CPPED1: variants seen among roughly 807,000 people sequenced by gnomAD.
The protein encoded by CPPED1 is serine/threonine-protein phosphatase CPPED1.
A neutral mutation model predicts 28.0 loss-of-function variants in CPPED1; 28 were observed. That is an observed-to-expected ratio of 1.00 (90% CI 0.74 to 1.37). The LOEUF is 1.37. Among genes scored for constraint, CPPED1 ranks in the 40% most tolerant of loss-of-function variants. CPPED1 has a pLI of 0.00. For missense variants in CPPED1, 504 were observed against 416.5 expected (o/e 1.21, Z -1.83); for synonymous variants, 198 against 180.2 (o/e 1.10, Z -0.79).
At chr16:12,674,274 G>A (rs574195708) in intron 3 of CPPED1, among the ~76,000 whole-genome samples, 21 of 152,282 alleles carry the variant, frequency 1.4e-4, no homozygotes, top group African/African-American at 4.8e-4. Flanking sequence ...AGGAAGATGT[G>A]ACTAACTCCG....
intron 3 of CPPED1, among the ~76,000 whole-genome samples, chr16:12,668,196 T>A (rs2079835767): frequency 6.6e-6 from 1 of 152,174 alleles, no homozygotes; most frequent in Non-Finnish European, 1.5e-5. Context: ...AAATCTTCAC[T>A]GAATGAATTG....
intron 2 of CPPED1, among the ~76,000 whole-genome samples, chr16:12,747,850 AT>A (rs1212633190): frequency 1.3e-5 from 2 of 152,208 alleles, no homozygotes; most frequent in Non-Finnish European, 1.5e-5. Flanking sequence ...TAAATATAAC[AT>A]ATAACCCAAT....
At position 12,682,184 on chromosome 16, in the gene CPPED1, G is replaced by A. The variant is rs533423175; in HGVS notation, c.716-17069C>T. ...CGAGTAGCTGAGATTACAGGTTCCC[G>A]CTACCATGCCCAGCTAATTTTTGTG... is the stretch of plus-strand genomic sequence containing the variant. On this transcript the variant is annotated intron_variant, in intron 3 of 3. Transcript: ENST00000381774. This position sits in a 1 kb window ranked among gnomAD's most constrained non-coding sequence, Gnocchi z 6.1. Among the ~76,000 whole-genome samples, 16 of 152,084 alleles carry A rather than the reference G, an allele frequency of 1.1e-4. No homozygotes were observed. In the South Asian group the frequency reaches 2.3e-3, roughly 22 times the overall value.
At chr16:12,748,545 C>T (rs538942786) in intron 2 of CPPED1, among the ~76,000 whole-genome samples, 2 of 152,142 alleles carry the variant, frequency 1.3e-5, no homozygotes, top group African/African-American at 4.8e-5. Context: ...TCTTTGGTTT[C>T]CCAGTGCATA....
At chr16:12,736,970 A>G (rs915159902) in intron 2 of CPPED1, among the ~76,000 whole-genome samples, 8 of 152,062 alleles carry the variant, frequency 5.3e-5, no homozygotes, top group Admixed American at 2.0e-4. Context: ...TGGGTGGATC[A>G]CTTGAGGTCA....
chr16:12,730,995 T>C (rs1216045150), intron 2 of CPPED1, among the ~76,000 whole-genome samples: 2 of 152,120 alleles, frequency 1.3e-5, no homozygotes, highest in East Asian at 3.8e-4. Context: ...GCTTGACCAC[T>C]GTCCTTCTCA....
intron 2 of CPPED1, among the ~76,000 whole-genome samples, chr16:12,774,706 T>A (rs537068527): frequency 4.0e-4 from 61 of 152,260 alleles, no homozygotes; most frequent in African/African-American, 1.4e-3. Flanking sequence ...GGTGGCTGGA[T>A]CGTGAGGGCC....
At chr16:12,724,671 G>A (rs1307519371) in intron 2 of CPPED1, among the ~76,000 whole-genome samples, 3 of 152,202 alleles carry the variant, frequency 2.0e-5, no homozygotes, top group Non-Finnish European at 4.4e-5. Context: ...AACATTTCAA[G>A]ACTAATTCTG....
intron 3 of CPPED1, among the ~76,000 whole-genome samples, chr16:12,678,209 A>C (rs1418943642): frequency 6.6e-6 from 1 of 152,264 alleles, no homozygotes; most frequent in Non-Finnish European, 1.5e-5. Context: ...TGCCATTTCA[A>C]ATAAGGGAGG....
chr16:12,728,627 A>G (rs895227888), intron 2 of CPPED1, among the ~76,000 whole-genome samples: 1 of 152,210 alleles, frequency 6.6e-6, no homozygotes, highest in African/African-American at 2.4e-5. Flanking sequence ...CTTTACTTGC[A>G]TGATTGCAAC....
At position 12,782,809 on chromosome 16, in the gene CPPED1, T is replaced by G. The variant is rs543520151; in HGVS notation, c.71-1406A>C. ...TCGCTTGAACCCGGAAGGCGGAGGT[T>G]GCAGTGAGCCAAGATCACGTCACTG... On this transcript the variant is annotated intron_variant, in intron 1 of 3. Transcript: ENST00000381774. Among the ~76,000 whole-genome samples, 5 of 152,074 alleles carry G rather than the reference T, an allele frequency of 3.3e-5. No homozygotes were observed. The East Asian group carries it at 7.8e-4, about 24-fold the overall frequency.
At chr16:12,691,904 G>A (rs945114859) in intron 3 of CPPED1, among the ~76,000 whole-genome samples, 1 of 151,196 alleles carries the variant, frequency 6.6e-6, no homozygotes, top group African/African-American at 2.5e-5. Context: ...CATGGCACAT[G>A]TATACGTATG....
At chr16:12,689,217 C>CTTTTTT (rs869107040) in intron 3 of CPPED1, among the ~76,000 whole-genome samples, 3 of 83,590 alleles carry the variant, frequency 3.6e-5, no homozygotes, top group Non-Finnish European at 6.6e-5. Context: ...GAAAAGAGGG[C>CTTTTTT]TTTTTTTTTT....
chr16:12,760,339 G>C lies in CPPED1; in HGVS notation c.289+20846C>G, dbSNP rs945283269. 6 of 152,200 alleles carry C rather than the reference G, an allele frequency of 3.9e-5. 1 individual carries two copies. The highest frequency in any genetic ancestry group is 8.8e-5 in the Non-Finnish European group (6 of 68,042). The allele number at this position is 152,200 out of a possible 1,614,324, so 9.4% of individuals were successfully genotyped here. ...TCCTCCATGGATACCAAAGGATGAT[G>C]ATAATTGATTGCTAACTTTGCCCTT... On this transcript the variant is annotated intron_variant, in intron 2 of 3. Coordinates refer to ENST00000381774, the MANE Select transcript of CPPED1 (RefSeq NM_018340.3).
At chr16:12,735,484 T>C (rs201403525) in intron 2 of CPPED1, among the ~76,000 whole-genome samples, 2 of 152,238 alleles carry the variant, frequency 1.3e-5, no homozygotes, top group East Asian at 3.9e-4. Context: ...TTTGTATTTT[T>C]ATTACAGGCG....
Position 12,685,118 on chromosome 16 carries a change from C to T in CPPED1, c.715+19506G>A, listed in dbSNP as rs144942030. On this transcript the variant is annotated intron_variant, in intron 3 of 3. Coordinates refer to ENST00000381774, the MANE Select transcript of CPPED1 (RefSeq NM_018340.3). Reference sequence around the variant, plus strand: ...TGTCAAATGACAAGCGACTGCACCTCGCTGTACATTGTTTCTTCAATTTTA... The same window carrying T: ...TGTCAAATGACAAGCGACTGCACCTTGCTGTACATTGTTTCTTCAATTTTA... 2.6e-4 allele frequency among the ~76,000 whole-genome samples: 40 copies of T among 152,324 alleles called. No homozygotes were observed. The South Asian group carries it at 5.2e-3, about 20-fold the overall frequency.
chr16:12,718,128 T>G (rs1487483947), intron 2 of CPPED1, among the ~76,000 whole-genome samples: 2 of 152,186 alleles, frequency 1.3e-5, no homozygotes, highest in African/African-American at 4.8e-5. Context: ...TACAGTTAGC[T>G]CCATGAATTT....
rs185740804 is a variant in CPPED1 at position 12,744,934 on chromosome 16, C to T, written c.289+36251G>A. ...CCCAGGAGGTTGAGGTTGCAGTGAGCTGAGATCACACTACTGAACTCCAGC... is the reference window on the plus strand; with the variant it reads ...CCCAGGAGGTTGAGGTTGCAGTGAGTTGAGATCACACTACTGAACTCCAGC... On this transcript the variant is annotated intron_variant, in intron 2 of 3. Transcript: ENST00000381774. 5.5e-3 allele frequency among the ~76,000 whole-genome samples: 844 copies of T among 152,294 alleles called. 5 individuals are homozygous for T. The highest frequency in any genetic ancestry group is 0.031 in the Middle Eastern group (9 of 292).
At position 12,794,177 on chromosome 16, in the gene CPPED1, G is replaced by C. The variant is rs1450951846; in HGVS notation, c.70+9530C>G. 2.0e-5 allele frequency among the ~76,000 whole-genome samples: 3 copies of C among 151,822 alleles called. No homozygotes were observed. The East Asian group carries it at 5.8e-4, about 29-fold the overall frequency. On this transcript the variant is annotated intron_variant, in intron 1 of 3. Coordinates refer to ENST00000381774, the MANE Select transcript of CPPED1 (RefSeq NM_018340.3). Reference sequence around the variant, plus strand: ...CAGCAGATAAGAGTGTCCTTCATTAGTGGCTGTTTAGGGGTTGGGGGTCTT... The same window carrying C: ...CAGCAGATAAGAGTGTCCTTCATTACTGGCTGTTTAGGGGTTGGGGGTCTT...
Sources: allele counts gnomAD v4.1 joint callset (sites outside exome capture counted in the v4.1 genomes callset), GRCh38; gene constraint gnomAD v4.1.1; non-coding constraint Gnocchi (gnomAD v3.1); transcripts MANE v1.5; gene names NCBI Gene and HGNC (gene_info 2026-07-23, HGNC 2026-07-21).